Variants in RAB6A observed in about 807,000 individuals in gnomAD.
RAB6A encodes the protein RAB6A, member RAS oncogene family.
Under a neutral mutation model 32.3 loss-of-function variants are expected in RAB6A, and 8 were observed. The observed-to-expected ratio is 0.25, with a 90% CI of 0.15 to 0.45. RAB6A has a LOEUF of 0.45. RAB6A is among the 20% of genes least tolerant of loss of function. RAB6A has a pLI of 1.00. For missense variants in RAB6A, 104 were observed against 249.4 expected (o/e 0.42, Z 3.93); for synonymous variants, 73 against 82.1 (o/e 0.89, Z 0.60).
intron 5 of RAB6A, among the ~76,000 whole-genome samples, chr11:73,710,650 T>C (rs768296022): frequency 5.3e-4 from 80 of 151,628 alleles, no homozygotes; most frequent in Non-Finnish European, 1.1e-3. Flanking sequence ...AGCAGGAGAA[T>C]CACTTAAACC....
chr11:73,758,244 G>T (rs928722753), intron 1 of RAB6A, among the ~76,000 whole-genome samples: 6 of 152,112 alleles, frequency 3.9e-5, no homozygotes, highest in Non-Finnish European at 8.8e-5. Flanking sequence ...AACCTCAAAA[G>T]ATAATTAACT....
intron 1 of RAB6A, among the ~76,000 whole-genome samples, chr11:73,757,634 T>C (rs948929205): frequency 1.3e-5 from 2 of 152,188 alleles, no homozygotes; most frequent in African/African-American, 4.8e-5. Flanking sequence ...CAAAAAAAAG[T>C]ACAAAATTCA....
intron 1 of RAB6A, among the ~76,000 whole-genome samples, chr11:73,743,126 T>A (rs1946525600): frequency 6.6e-6 from 1 of 151,686 alleles, no homozygotes; most frequent in Admixed American, 6.6e-5. Flanking sequence ...TGAAACCCCA[T>A]CTCTACTAAA....
intron 2 of RAB6A, among the ~76,000 whole-genome samples, chr11:73,728,727 G>T (rs1946262467): frequency 6.6e-6 from 1 of 151,334 alleles, no homozygotes; most frequent in African/African-American, 2.4e-5. Flanking sequence ...GACAATTTTT[G>T]TGTCTATATT....
At chr11:73,698,709 C>T (rs1030249159) in intron 6 of RAB6A, among the ~76,000 whole-genome samples, 1 of 151,992 alleles carries the variant, frequency 6.6e-6, no homozygotes. Flanking sequence ...TTTAAGTGAA[C>T]GTTCATGGCA....
intron 6 of RAB6A, among the ~76,000 whole-genome samples, chr11:73,690,265 A>G (rs1945529516): frequency 6.6e-6 from 1 of 152,180 alleles, no homozygotes; most frequent in Non-Finnish European, 1.5e-5. Context: ...TCTCCTTGGA[A>G]TACCCTCCCA....
At chr11:73,701,676 CAG>C (rs376165470) in intron 6 of RAB6A, among the ~76,000 whole-genome samples, 5 of 152,104 alleles carry the variant, frequency 3.3e-5, no homozygotes, top group African/African-American at 1.2e-4. Flanking sequence ...TATTTTGAGA[CAG>C]GGTCTTGCTC....
chr11:73,733,560 AAAAT>A (rs1946349868), intron 1 of RAB6A, among the ~76,000 whole-genome samples: 1 of 142,080 alleles, frequency 7.0e-6, no homozygotes, highest in Non-Finnish European at 1.6e-5. Flanking sequence ...CAAAAAAAAA[AAAAT>A]AAATAAATAA....
At chr11:73,760,238 C>T in intron 1 of RAB6A, 2 of 729,434 alleles carry the variant, frequency 2.7e-6, no homozygotes, top group Non-Finnish European at 4.2e-6. Context: ...GGCCGGGGTA[C>T]GGGCAATGAC....
chr11:73,698,496 A>G (rs1945689377), intron 6 of RAB6A, among the ~76,000 whole-genome samples: 2 of 152,238 alleles, frequency 1.3e-5, no homozygotes, highest in Admixed American at 6.5e-5. Context: ...CACTTGGTAC[A>G]TTAAATGGAT....
intron 5 of RAB6A, among the ~76,000 whole-genome samples, chr11:73,713,396 C>T (rs1466560532): frequency 6.6e-6 from 1 of 152,066 alleles, no homozygotes; most frequent in East Asian, 1.9e-4. Context: ...CGGTGAAACC[C>T]CGTCTCTACT....
At chr11:73,701,389 T>C (rs1945743321) in intron 6 of RAB6A, among the ~76,000 whole-genome samples, 1 of 152,256 alleles carries the variant, frequency 6.6e-6, no homozygotes, top group Non-Finnish European at 1.5e-5. Flanking sequence ...GTGACTAGAC[T>C]GTGAAATTTA....
intron 6 of RAB6A, among the ~76,000 whole-genome samples, chr11:73,682,953 T>C (rs548892816): frequency 6.6e-6 from 1 of 152,280 alleles, no homozygotes; most frequent in Admixed American, 6.5e-5. Context: ...TTTCATGCAT[T>C]AGGAAAAACT....
intron 6 of RAB6A, among the ~76,000 whole-genome samples, chr11:73,695,969 T>C (rs1307506993): frequency 6.6e-6 from 1 of 152,144 alleles, no homozygotes; most frequent in Non-Finnish European, 1.5e-5. Context: ...AGAGATACAC[T>C]GGAGAAGGAG....
intron 1 of RAB6A, among the ~76,000 whole-genome samples, chr11:73,754,312 A>C (rs951994270): frequency 2.8e-4 from 43 of 152,346 alleles, no homozygotes; most frequent in African/African-American, 1.0e-3. Context: ...AGCAGTTTAC[A>C]AAGAGTGGTC....
Position 73,739,635 on chromosome 11 carries a change from C to T in RAB6A, c.71-8812G>A, listed in dbSNP as rs184334462. Among the ~76,000 whole-genome samples the T allele has an allele frequency of 2.2e-4, 33 of 151,810 alleles. No individual in the cohort carries two copies. In the East Asian group the frequency reaches 4.7e-3, roughly 22 times the overall value. ...AAGTTAGATAAACTAATTATTGGGG[C>T]CTCAAGAAAACCGAGGGATATTAAT... On this transcript the variant is annotated intron_variant, in intron 1 of 7. Coordinates refer to ENST00000336083, the MANE Select transcript of RAB6A (RefSeq NM_198896.2).
chr11:73,732,316 G>A lies in RAB6A; in HGVS notation c.71-1493C>T, dbSNP rs377433289. Among the ~76,000 whole-genome samples, 196 of 152,280 alleles carry A rather than the reference G, an allele frequency of 1.3e-3. 4 individuals carry two copies. In the South Asian group the frequency reaches 0.039, roughly 30 times the overall value. The stretch of plus-strand genomic sequence containing the variant: ...AACCATACCTAAAAGGCCGGGTGCG[G>A]TGGCTCACGCCTGTAATCCCAGCAC... On this transcript the variant is annotated intron_variant, in intron 1 of 7. Transcript: ENST00000336083.
intron 1 of RAB6A, chr11:73,759,907 T>C (rs1590902739): frequency 1.6e-6 from 1 of 638,402 alleles, no homozygotes. Flanking sequence ...GGCAAAAATC[T>C]CCACTGCCGA....
chr11:73,726,562 A>T (rs1590867641), intron 2 of RAB6A, among the ~76,000 whole-genome samples: 1 of 120,016 alleles, frequency 8.3e-6, no homozygotes, highest in Non-Finnish European at 1.6e-5. Context: ...AGCCTGGGTG[A>T]CAGAGTGAGA....
Sources: gnomAD v4.1 joint callset for allele counts (sites outside exome capture counted in the v4.1 genomes callset) on GRCh38, gnomAD v4.1.1 for gene constraint, MANE v1.5 for transcripts, NCBI Gene and HGNC (gene_info 2026-07-23, HGNC 2026-07-21) for gene names.